The following ARMC2 variants were observed in gnomAD, a reference collection of about 807,000 sequenced individuals.
ARMC2 encodes the protein armadillo repeat-containing protein 2.
In ARMC2, 67 loss-of-function variants were observed where a neutral mutation model predicts 90.3. The ratio of observed to expected loss-of-function variants is 0.74; its 90% CI spans 0.61 to 0.91. ARMC2 has a LOEUF of 0.91. ARMC2 is among the 40% of genes least tolerant of loss of function. ARMC2 has a pLI of 0.00. For missense variants in ARMC2, 920 were observed against 1,030.9 expected (o/e 0.89, Z 1.47); for synonymous variants, 393 against 393.0 (o/e 1.00, Z 0.00).
chr6:109,001,178 TATTATATATCATA>T, the ARMC2 span: 1 of 897,818 alleles, frequency 1.1e-6, no homozygotes, highest in Non-Finnish European at 1.7e-6. Context: ...ACAGGAATCA[TATTATATATCATA>T]ATCTAAGTAT....
At chr6:108,857,898 A>G (rs1033174272) in intron 2 of ARMC2, among the ~76,000 whole-genome samples, 1 of 152,202 alleles carries the variant, frequency 6.6e-6, no homozygotes, top group Non-Finnish European at 1.5e-5. Context: ...TTACTTTGGA[A>G]TGAAATGGTT....
At chr6:108,966,536 T>C (rs760214943) in intron 17 of ARMC2, among the ~76,000 whole-genome samples, 2 of 152,098 alleles carry the variant, frequency 1.3e-5, no homozygotes, top group Non-Finnish European at 2.9e-5. Context: ...TTTGAAATAA[T>C]TGGGTTTGCT....
chr6:108,965,034 G>C lies in ARMC2; in HGVS notation c.2340G>C (p.Leu780Phe). The C allele has an allele frequency of 6.2e-7, 1 of 1,613,586 alleles. No individual in the cohort carries two copies. The change falls in exon 17 of 18, where the codon TTG becomes TTC. Residue 780 changes from leucine to phenylalanine, a missense_variant. Transcript: ENST00000392644. The stretch of plus-strand genomic sequence containing the variant: ...CTACTGATTGGCAGCTGGCCTGCTT[G>C]GTTTGTAAAACTTTATGGAACTTCA... ...LGPTDWQLACLVCKTLWNFSE... is the reference protein window; with the variant it reads ...LGPTDWQLACFVCKTLWNFSE...
At chr6:109,015,590 G>A in the ARMC2 span, among the ~76,000 whole-genome samples, 6 of 152,114 alleles carry the variant, frequency 3.9e-5, no homozygotes, top group African/African-American at 1.4e-4. Flanking sequence ...AATGTTTAGA[G>A]GCTACTTTTC....
intron 17 of ARMC2, among the ~76,000 whole-genome samples, chr6:108,972,790 G>C (rs569472470): frequency 6.6e-6 from 1 of 151,710 alleles, no homozygotes; most frequent in South Asian, 2.1e-4. Flanking sequence ...TCAGCCTCTC[G>C]AGTAACTGGG....
chr6:108,884,944 T>C (rs974760505), intron 5 of ARMC2, among the ~76,000 whole-genome samples: 2 of 152,262 alleles, frequency 1.3e-5, no homozygotes, highest in Middle Eastern at 3.4e-3. Flanking sequence ...CACAGTAGCA[T>C]GCTGCAGAAG....
At chr6:108,922,567 G>A (rs759929812) in intron 10 of ARMC2, among the ~76,000 whole-genome samples, 3 of 152,136 alleles carry the variant, frequency 2.0e-5, no homozygotes, top group Non-Finnish European at 4.4e-5. Flanking sequence ...TAAAGCTTTT[G>A]AGTTCTCATT....
the ARMC2 span, among the ~76,000 whole-genome samples, chr6:109,027,084 C>T: frequency 6.6e-6 from 1 of 152,082 alleles, no homozygotes; most frequent in African/African-American, 2.4e-5. Flanking sequence ...GCACGAGAAT[C>T]GCTTGAATCT....
At chr6:108,900,696 A>G (rs1266164319) in intron 7 of ARMC2, among the ~76,000 whole-genome samples, 1 of 152,152 alleles carries the variant, frequency 6.6e-6, no homozygotes, top group African/African-American at 2.4e-5. Flanking sequence ...GGCTGTGTTC[A>G]TGGTTAATGT....
the ARMC2 span, among the ~76,000 whole-genome samples, chr6:109,017,741 A>G: frequency 6.6e-6 from 1 of 152,216 alleles, no homozygotes; most frequent in Non-Finnish European, 1.5e-5. Flanking sequence ...CATCTAGTTT[A>G]CTACCTTTGC....
intron 7 of ARMC2, among the ~76,000 whole-genome samples, chr6:108,902,194 C>A (rs997708460): frequency 2.0e-5 from 3 of 152,140 alleles, no homozygotes; most frequent in African/African-American, 7.2e-5. Context: ...TAGATTTAGC[C>A]CCTTGCAAAT....
At chr6:108,875,024 TG>T (rs753384441) in intron 4 of ARMC2, among the ~76,000 whole-genome samples, 3 of 152,158 alleles carry the variant, frequency 2.0e-5, no homozygotes, top group Non-Finnish European at 4.4e-5. Flanking sequence ...TGAAAAATCT[TG>T]CAAAACAGTA....
chr6:108,921,384 C>G (rs529798876), intron 10 of ARMC2, among the ~76,000 whole-genome samples: 3 of 152,204 alleles, frequency 2.0e-5, no homozygotes, highest in African/African-American at 7.2e-5. Flanking sequence ...CCTGCTAAGT[C>G]GGACACCCAT....
intron 8 of ARMC2, 98 bp downstream of exon 8, chr6:108,904,503 T>C (rs1226606327): frequency 2.5e-6 from 3 of 1,180,814 alleles, no homozygotes; most frequent in Non-Finnish European, 3.4e-6. Flanking sequence ...AGAAATGCAG[T>C]GTATTTGTTT....
At chr6:108,920,711 G>A (rs1164017574) in intron 10 of ARMC2, among the ~76,000 whole-genome samples, 3 of 152,154 alleles carry the variant, frequency 2.0e-5, no homozygotes, top group African/African-American at 4.8e-5. Context: ...TGATAGCTGA[G>A]GCAGGCATGC....
the ARMC2 span, among the ~76,000 whole-genome samples, chr6:108,991,345 G>A: frequency 1.3e-5 from 2 of 152,066 alleles, no homozygotes; most frequent in African/African-American, 2.4e-5. Context: ...GGGCTCAAGC[G>A]ATCCTCCCTG....
At chr6:108,976,232 G>A (rs887467313), downstream of ARMC2, among the ~76,000 whole-genome samples, 1 of 152,278 alleles carries the variant, frequency 6.6e-6, no homozygotes, top group East Asian at 1.9e-4. Context: ...TGGCTAGCCA[G>A]TTTTCCCAAC....
At chr6:109,030,665 G>A in the ARMC2 span, among the ~76,000 whole-genome samples, 1 of 152,140 alleles carries the variant, frequency 6.6e-6, no homozygotes, top group Non-Finnish European at 1.5e-5. Context: ...GTCTGGAAAG[G>A]AACCATAAAA....
chr6:108,932,081 G>A (rs952047265), intron 11 of ARMC2, among the ~76,000 whole-genome samples: 4 of 151,898 alleles, frequency 2.6e-5, no homozygotes, highest in Admixed American at 6.5e-5. Context: ...CCACTTTTTG[G>A]TGGGGTTGTT....
Sources: gnomAD v4.1 joint callset for allele counts (sites outside exome capture counted in the v4.1 genomes callset) on GRCh38, gnomAD v4.1.1 for gene constraint, MANE v1.5 for transcripts, NCBI Gene and HGNC (gene_info 2026-07-23, HGNC 2026-07-21) for gene names.